Variants in SLC27A2 observed in about 807,000 individuals in gnomAD.
SLC27A2 encodes long-chain fatty acid transport protein 2.
Under a neutral mutation model 60.0 loss-of-function variants are expected in SLC27A2, and 54 were observed. The observed-to-expected ratio is 0.90, with a 90% confidence interval of 0.72 to 1.13. The LOEUF is 1.13. Ranked by LOEUF, SLC27A2 falls within the 50% of genes most tolerant of loss-of-function variation. The probability of loss-of-function intolerance (pLI) is 0.00; values close to 1 mark genes in which losing one functional copy is unlikely to be tolerated. For missense variants in SLC27A2, 739 were observed against 777.6 expected, an observed-to-expected ratio of 0.95 and a Z score of 0.59; for synonymous variants, 297 against 297.6, an observed-to-expected ratio of 1.00 and a Z score of 0.02.
At chr15:50,195,566 T>C (rs919929740) in intron 1 of SLC27A2, among the ~76,000 whole-genome samples, 1 of 152,178 alleles carries the variant, frequency 6.6e-6, no homozygotes, top group Non-Finnish European at 1.5e-5. Context: ...GAGGAAGGCC[T>C]GGGTGAGGAC....
intron 9 of SLC27A2, 39 bp from the exon 10 acceptor site, chr15:50,235,880 CA>C: frequency 6.4e-7 from 1 of 1,560,430 alleles, no homozygotes. Flanking sequence ...TAATCTATTG[CA>C]AAATGCAACC....
chr15:50,190,210 G>T (rs941624814), intron 1 of SLC27A2, among the ~76,000 whole-genome samples: 3 of 152,174 alleles, frequency 2.0e-5, no homozygotes, highest in Non-Finnish European at 4.4e-5. Flanking sequence ...TGGCATTTTA[G>T]GAACTATTTT....
intron 4 of SLC27A2, among the ~76,000 whole-genome samples, chr15:50,205,822 T>G (rs2140903958): frequency 6.6e-6 from 1 of 152,320 alleles, no homozygotes; most frequent in Middle Eastern, 3.4e-3. Flanking sequence ...GTAATATCTT[T>G]GATGGCTGGA....
chr15:50,223,146 A>G lies in SLC27A2; in HGVS notation c.1154A>G (p.Asn385Ser), dbSNP rs1437011874. 6.2e-7 allele frequency: 1 copy of G among 1,612,082 alleles called. No individual in the cohort carries two copies. Among genetic ancestry groups the G allele is most frequent in the East Asian group, 2.2e-5 (1 of 44,822 alleles). ...AAAGTTGGTGCTGTTGGAAGAGTAA[A>G]CTACCTACAGAAAGTAAGTACATTG... ...ARKVGAVGRVNYLQKKIITYD... is the reference protein window; with the variant it reads ...ARKVGAVGRVSYLQKKIITYD... The change falls in exon 5 of 10, where the codon AAC becomes AGC. Residue 385 changes from asparagine to serine, a missense_variant. Transcript: ENST00000267842.
In SLC27A2 at chr15:50,182,233, A is replaced by T; in HGVS notation, c.-195A>T. ...AACCCCCGGCAACGCGCATACGACT[A>T]CACCTGCTCCGGAGCCCGCGGCGGT... is the stretch of plus-strand genomic sequence containing the variant. On this transcript the variant is annotated 5_prime_UTR_variant, in exon 1 of 10. Coordinates refer to ENST00000267842, the MANE Select transcript of SLC27A2 (RefSeq NM_003645.4). The T allele has an allele frequency of 1.2e-6, 1 of 868,836 alleles. No homozygotes were observed. The highest frequency in any genetic ancestry group is 1.5e-6 in the Non-Finnish European group (1 of 652,258). The allele number at this position is 868,836 out of a possible 1,614,324, so 53.8% of individuals were successfully genotyped here. A position where few individuals can be genotyped will look rare whatever the true frequency, so the allele number is the denominator to read the frequency against.
chr15:50,183,234 C>G (rs1282737322), intron 1 of SLC27A2, among the ~76,000 whole-genome samples: 1 of 152,176 alleles, frequency 6.6e-6, no homozygotes, highest in African/African-American at 2.4e-5. Flanking sequence ...CCATCTATCT[C>G]CAAATTCCAA....
chr15:50,228,418 A>AAAT (rs1185207797), intron 7 of SLC27A2, among the ~76,000 whole-genome samples: 1 of 151,740 alleles, frequency 6.6e-6, no homozygotes, highest in Non-Finnish European at 1.5e-5. Flanking sequence ...AATGAAAACA[A>AAAT]AATTTAACTC....
intron 1 of SLC27A2, among the ~76,000 whole-genome samples, chr15:50,192,800 AAG>A (rs1491085618): frequency 2.6e-5 from 4 of 150,992 alleles, no homozygotes; most frequent in African/African-American, 7.3e-5. Context: ...AAAAAAAAAA[AAG>A]AAGAAGAAGT....
intron 1 of SLC27A2, chr15:50,190,983 C>T (rs2044968399): frequency 6.6e-6 from 1 of 152,232 alleles, no homozygotes; most frequent in Non-Finnish European, 1.5e-5. Flanking sequence ...CAGCCAGCCT[C>T]TTCCAAGAAA....
intron 1 of SLC27A2, among the ~76,000 whole-genome samples, chr15:50,196,277 A>G (rs2045023063): frequency 6.6e-6 from 1 of 151,050 alleles, no homozygotes; most frequent in South Asian, 2.1e-4. Flanking sequence ...ACCTTAACCC[A>G]GTAAGAAATA....
In SLC27A2 at chr15:50,182,725, G is replaced by A. The variant is rs1195523096; in HGVS notation, c.298G>A (p.Gly100Ser). 6.2e-7 allele frequency: 1 copy of A among 1,613,748 alleles called. No homozygotes were observed. The highest frequency in any genetic ancestry group is 1.3e-5 in the African/African-American group (1 of 74,920). The change falls in exon 1 of 10, where the codon GGC (glycine) becomes AGC (serine). Residue 100 changes from glycine (G) to serine (S), a missense_variant. Coordinates refer to ENST00000267842, the MANE Select transcript of SLC27A2 (RefSeq NM_003645.4). ...GGCCCGGGCGCTGCACGACCACCTC[G>A]GCCTGCGCCAGGGAGACTGCGTGGC... Reference protein sequence around the residue: ...QVARALHDHLGLRQGDCVALL... With the variant: ...QVARALHDHLSLRQGDCVALL...
Position 50,223,063 on chromosome 15 carries a change from C to A in SLC27A2, c.1071C>A (p.Cys357Ter). The change falls in exon 5 of 10, where the codon TGC becomes TGA. Residue 357 changes from cysteine to a stop codon, truncating the protein, a stop_gained. Transcript: ENST00000267842. LOFTEE classifies it high-confidence loss of function. ...RQFVKRFGDI[C>*]IYEFYAATEG... Reference sequence around the variant, plus strand: ...TTGTCAAGAGATTTGGGGACATATGCATCTATGAGTTCTATGCTGCCACTG... The same window carrying A: ...TTGTCAAGAGATTTGGGGACATATGAATCTATGAGTTCTATGCTGCCACTG... 1 of 1,613,660 alleles carries A rather than the reference C, an allele frequency of 6.2e-7. No individual in the cohort carries two copies. Among genetic ancestry groups the A allele is most frequent in the Non-Finnish European group, 8.5e-7 (1 of 1,179,648 alleles).
At chr15:50,187,698 G>T (rs1241340197) in intron 1 of SLC27A2, among the ~76,000 whole-genome samples, 1 of 152,126 alleles carries the variant, frequency 6.6e-6, no homozygotes, top group Non-Finnish European at 1.5e-5. Context: ...GTTATAAAAC[G>T]TTCCAGATTA....
intron 2 of SLC27A2, among the ~76,000 whole-genome samples, 167 bp downstream of exon 2, chr15:50,197,876 AT>A (rs537815976): frequency 1.7e-3 from 261 of 152,330 alleles, no homozygotes; most frequent in African/African-American, 6.1e-3. Flanking sequence ...ATGTGATCCC[AT>A]TTGCGTTTCT....
chr15:50,193,948 C>G (rs1159848850), intron 1 of SLC27A2, among the ~76,000 whole-genome samples: 1 of 152,104 alleles, frequency 6.6e-6, no homozygotes, highest in Admixed American at 6.6e-5. Context: ...CACTTGAGCT[C>G]ACAAGTTTCA....
chr15:50,228,872 C>A, intron 7 of SLC27A2, 73 bp from the exon 8 acceptor site: 1 of 994,164 alleles, frequency 1.0e-6, no homozygotes, highest in Non-Finnish European at 1.6e-6. Flanking sequence ...CTAAAGGAAA[C>A]ACCAGCTCTC....
intron 2 of SLC27A2, chr15:50,198,383 G>A (rs1037172288): frequency 1.3e-5 from 2 of 151,848 alleles, no homozygotes; most frequent in African/African-American, 4.8e-5. Flanking sequence ...TACAACATTT[G>A]TTGATAAGAT....
chr15:50,203,549 G>T (rs1267774484), intron 3 of SLC27A2, among the ~76,000 whole-genome samples: 1 of 152,074 alleles, frequency 6.6e-6, no homozygotes, highest in East Asian at 1.9e-4. Flanking sequence ...TTCTGACTGA[G>T]CTAAATAAAC....
chr15:50,191,851 G>A (rs1371975443), intron 1 of SLC27A2, among the ~76,000 whole-genome samples: 1 of 152,112 alleles, frequency 6.6e-6, no homozygotes, highest in Admixed American at 6.5e-5. Flanking sequence ...CTTGAGGTTG[G>A]GAGTTCAAGA....
Sources: gnomAD v4.1 joint callset for allele counts (sites outside exome capture counted in the v4.1 genomes callset) on GRCh38, gnomAD v4.1.1 for gene constraint, MANE v1.5 for transcripts, NCBI Gene and HGNC (gene_info 2026-07-23, HGNC 2026-07-21) for gene names.